Variants in ZFR observed in about 807,000 individuals in gnomAD.
The protein encoded by ZFR is zinc finger RNA-binding protein.
In ZFR, 19 loss-of-function variants were observed where a neutral mutation model predicts 130.7. The observed-to-expected ratio is 0.15, with a 90% confidence interval of 0.10 to 0.21. ZFR has a LOEUF of 0.21. Among genes scored for constraint, ZFR ranks in the 10% least tolerant of loss-of-function variants. The probability of loss-of-function intolerance (pLI) is 1.00; values close to 1 mark genes in which losing one functional copy is unlikely to be tolerated. For missense variants in ZFR, 872 were observed against 1,321.5 expected (o/e 0.66, Z 5.27); for synonymous variants, 466 against 456.9 (o/e 1.02, Z -0.25).
intron 8 of ZFR, among the ~76,000 whole-genome samples, chr5:32,401,211 G>GT (rs532414269): frequency 2.2e-4 from 33 of 152,116 alleles, no homozygotes; most frequent in Non-Finnish European, 3.5e-4. Context: ...ATATTCTTAA[G>GT]TATCTACAAC....
At chr5:32,367,057 T>C (rs1236066859) in intron 17 of ZFR, among the ~76,000 whole-genome samples, 11 of 151,532 alleles carry the variant, frequency 7.3e-5, no homozygotes, top group Admixed American at 2.6e-4. Context: ...TGCACTCCAC[T>C]GTAATATTTG....
At chr5:32,404,503 A>C (rs1207638190) in intron 6 of ZFR, among the ~76,000 whole-genome samples, 1 of 152,214 alleles carries the variant, frequency 6.6e-6, no homozygotes, top group Non-Finnish European at 1.5e-5. Flanking sequence ...AGAAAAAGTT[A>C]CTGTATGGTG....
At chr5:32,397,843 T>C (rs1366014159) in intron 9 of ZFR, among the ~76,000 whole-genome samples, 1 of 140,918 alleles carries the variant, frequency 7.1e-6, no homozygotes, top group Non-Finnish European at 1.5e-5. Flanking sequence ...GTGTTTGCTC[T>C]TGTATCTTTT....
chr5:32,442,757 T>G (rs1490253955), intron 2 of ZFR, among the ~76,000 whole-genome samples: 1 of 152,186 alleles, frequency 6.6e-6, no homozygotes, highest in Non-Finnish European at 1.5e-5. Flanking sequence ...TGGTACCTTT[T>G]ACAACAAATG....
intron 5 of ZFR, among the ~76,000 whole-genome samples, chr5:32,413,196 AAAAAC>A (rs1554073448): frequency 3.3e-5 from 5 of 151,778 alleles, no homozygotes; most frequent in African/African-American, 9.7e-5. Flanking sequence ...TAATCTCAAA[AAAAAC>A]AAAACAAAAC....
intron 3 of ZFR, among the ~76,000 whole-genome samples, chr5:32,419,568 C>A (rs1158729668): frequency 6.6e-6 from 1 of 152,180 alleles, no homozygotes; most frequent in African/African-American, 2.4e-5. Flanking sequence ...GAACTCCTGA[C>A]CTCAGGTGAT....
intron 19 of ZFR, among the ~76,000 whole-genome samples, chr5:32,361,777 C>A (rs1350032107): frequency 6.6e-6 from 1 of 152,026 alleles, no homozygotes; most frequent in Non-Finnish European, 1.5e-5. Flanking sequence ...CACATGCCAC[C>A]ACGCCCGGCT....
At position 32,375,663 on chromosome 5, in the gene ZFR, T is replaced by C. The variant is rs76995791; in HGVS notation, c.2835+3452A>G. 3.3e-3 allele frequency among the ~76,000 whole-genome samples: 504 copies of C among 152,070 alleles called. 18 individuals carry two copies. In the East Asian group the frequency reaches 0.085, roughly 26 times the overall value. On this transcript the variant is annotated intron_variant, in intron 17 of 19. Transcript: ENST00000265069. ...CTGAAACCACAAGCACATGCCACCA[T>C]GCCGGGCTAATTTTTCTATCTTTTC...
intron 6 of ZFR, among the ~76,000 whole-genome samples, chr5:32,406,394 T>C (rs1753580321): frequency 6.6e-6 from 1 of 152,192 alleles, no homozygotes; most frequent in East Asian, 1.9e-4. Context: ...ACCTGCTATA[T>C]TAAGTTAAAG....
intron 5 of ZFR, among the ~76,000 whole-genome samples, chr5:32,409,904 A>AGGCTGC (rs1349197513): frequency 6.6e-6 from 1 of 152,064 alleles, no homozygotes; most frequent in African/African-American, 2.4e-5. Context: ...CAGGAGGCTG[A>AGGCTGC]GGCTGCAGTA....
chr5:32,403,050 G>A (rs1753495551), intron 8 of ZFR, 56 bp downstream of exon 8: 2 of 1,547,610 alleles, frequency 1.3e-6, no homozygotes, highest in Non-Finnish European at 1.8e-6. Flanking sequence ...GTGCTGCAAT[G>A]GAGAAGAAAC....
intron 19 of ZFR, 66 bp from the exon 20 acceptor site, chr5:32,356,005 T>C: frequency 7.7e-7 from 1 of 1,290,990 alleles, no homozygotes; most frequent in Non-Finnish European, 1.0e-6. Context: ...CTTACTACAT[T>C]TACCTCCCTC....
chr5:32,407,100 T>C (rs1293423684), intron 5 of ZFR, 79 bp from the exon 6 acceptor site: 2 of 1,229,416 alleles, frequency 1.6e-6, no homozygotes, highest in Admixed American at 6.5e-5. Context: ...TTAAATTAAA[T>C]TAATCCTGCC....
chr5:32,377,431 C>T (rs1172456264), intron 17 of ZFR, among the ~76,000 whole-genome samples: 8 of 151,626 alleles, frequency 5.3e-5, no homozygotes, highest in Admixed American at 1.3e-4. Flanking sequence ...CCACCCGCCT[C>T]GGCCTCCCAA....
At chr5:32,424,783 A>C (rs1193340305) in intron 2 of ZFR, among the ~76,000 whole-genome samples, 1 of 152,234 alleles carries the variant, frequency 6.6e-6, no homozygotes, top group Non-Finnish European at 1.5e-5. Flanking sequence ...ACTATTGATA[A>C]GATAAAACAG....
intron 10 of ZFR, among the ~76,000 whole-genome samples, chr5:32,395,760 A>G (rs1476704364): frequency 6.6e-6 from 1 of 152,140 alleles, no homozygotes; most frequent in Non-Finnish European, 1.5e-5. Flanking sequence ...CACTTAATGA[A>G]TAGTAAATAT....
intron 5 of ZFR, among the ~76,000 whole-genome samples, chr5:32,414,429 T>C (rs1753776131): frequency 6.6e-6 from 1 of 152,172 alleles, no homozygotes; most frequent in Non-Finnish European, 1.5e-5. Context: ...CCATTGTACC[T>C]CTCTGGGAGA....
chr5:32,386,325 A>G (rs778810726), intron 14 of ZFR, among the ~76,000 whole-genome samples: 1 of 152,164 alleles, frequency 6.6e-6, no homozygotes, highest in Non-Finnish European at 1.5e-5. Context: ...GATTAAATGA[A>G]TCAACTATAT....
chr5:32,411,559 C>T lies in ZFR; in HGVS notation c.784+3410G>A, dbSNP rs191996032. 2.9e-3 allele frequency among the ~76,000 whole-genome samples: 444 copies of T among 151,696 alleles called. 4 individuals carry two copies. Among genetic ancestry groups the T allele is most frequent in the Non-Finnish European group, 3.9e-3 (263 of 67,916 alleles). Reference sequence around the variant, plus strand: ...CAAAAATGAGCCAGGTATGGTGGTACACGCCTGTAACCCCAGCTACTTGGG... The same window carrying T: ...CAAAAATGAGCCAGGTATGGTGGTATACGCCTGTAACCCCAGCTACTTGGG... On this transcript the variant is annotated intron_variant, in intron 5 of 19. Coordinates refer to ENST00000265069, the MANE Select transcript of ZFR (RefSeq NM_016107.5).
Sources: gnomAD v4.1 joint callset for allele counts (sites outside exome capture counted in the v4.1 genomes callset) on GRCh38, gnomAD v4.1.1 for gene constraint, MANE v1.5 for transcripts, NCBI Gene and HGNC (gene_info 2026-07-23, HGNC 2026-07-21) for gene names.